Variants in TNPO1 observed in about 807,000 individuals in gnomAD.
The protein encoded by TNPO1 is transportin 1.
A neutral mutation model predicts 119.5 loss-of-function variants in TNPO1; 8 were observed. That is an observed-to-expected ratio of 0.07 (90% confidence interval 0.04 to 0.12). The LOEUF is 0.12. TNPO1 is among the 10% of genes least tolerant of loss of function. The probability of loss-of-function intolerance (pLI) is 1.00; values close to 1 mark genes in which losing one functional copy is unlikely to be tolerated. For missense variants in TNPO1, 576 were observed against 1,089.8 expected (o/e 0.53, Z 6.64); for synonymous variants, 362 against 363.0 (o/e 1.00, Z 0.03).
rs910933963 is a variant in TNPO1 at position 72,913,768 on chromosome 5, T to G, written c.*5095T>G. The G allele has an allele frequency of 6.6e-6, 1 of 152,582 alleles. No individual in the cohort carries two copies. Among genetic ancestry groups the G allele is most frequent in the Admixed American group, 6.5e-5 (1 of 15,268 alleles). 9.5% of individuals were successfully genotyped at this position (152,582 alleles called of 1,614,324 possible). On this transcript the variant is annotated 3_prime_UTR_variant, in exon 25 of 25. Transcript: ENST00000337273. ...CTCATAAAGGGGTTCCACTGTACTTTCCGCATATTACTGTGTTGTTGTTTT... is the reference window on the plus strand; with the variant it reads ...CTCATAAAGGGGTTCCACTGTACTTGCCGCATATTACTGTGTTGTTGTTTT...
intron 6 of TNPO1, among the ~76,000 whole-genome samples, chr5:72,870,442 G>A (rs983868628): frequency 3.3e-5 from 5 of 152,126 alleles, no homozygotes; most frequent in African/African-American, 4.8e-5. Context: ...GATTACAGGC[G>A]TGAGCCACCG....
At chr5:72,890,434 A>T (rs1032404133) in intron 14 of TNPO1, among the ~76,000 whole-genome samples, 2 of 152,192 alleles carry the variant, frequency 1.3e-5, no homozygotes, top group Admixed American at 1.3e-4. Context: ...TGTTTCCAGT[A>T]GTGTTAGTAG....
chr5:72,890,179 A>G (rs975455995), intron 14 of TNPO1, among the ~76,000 whole-genome samples: 1 of 152,240 alleles, frequency 6.6e-6, no homozygotes, highest in Non-Finnish European at 1.5e-5. Flanking sequence ...AGCATTTCAC[A>G]TGAATGCTCT....
chr5:72,846,285 CA>C (rs1745124475), intron 1 of TNPO1, among the ~76,000 whole-genome samples: 2 of 152,096 alleles, frequency 1.3e-5, no homozygotes, highest in Non-Finnish European at 2.9e-5. Flanking sequence ...GATGGTTGAA[CA>C]AATTATGCTC....
At chr5:72,889,997 A>T in intron 14 of TNPO1, 40 bp downstream of exon 14, 1 of 1,589,500 alleles carries the variant, frequency 6.3e-7, no homozygotes, top group Non-Finnish European at 8.6e-7. Context: ...AATAATGTGT[A>T]GCATAGTTAC....
At chr5:72,845,974 T>C (rs943129059) in intron 1 of TNPO1, among the ~76,000 whole-genome samples, 39 of 152,322 alleles carry the variant, frequency 2.6e-4, no homozygotes, top group African/African-American at 9.1e-4. Flanking sequence ...GCTCAGACTT[T>C]AAGTTCCCCA....
chr5:72,895,681 A>G (rs927496840), intron 18 of TNPO1, among the ~76,000 whole-genome samples: 65 of 152,354 alleles, frequency 4.3e-4, no homozygotes, highest in African/African-American at 1.5e-3. Context: ...TTTAATAATG[A>G]AGATACTTAT....
intron 1 of TNPO1, among the ~76,000 whole-genome samples, chr5:72,830,535 C>G (rs174749): frequency 1.3e-5 from 2 of 152,142 alleles, no homozygotes; most frequent in East Asian, 3.8e-4. Flanking sequence ...TTGGTAGTTT[C>G]CAGCTGTGAG....
intron 6 of TNPO1, among the ~76,000 whole-genome samples, chr5:72,870,979 GT>G (rs199841138): frequency 6.6e-6 from 1 of 151,778 alleles, no homozygotes; most frequent in Non-Finnish European, 1.5e-5. Context: ...GACAGAGTTG[GT>G]TTTTTTTGAG....
intron 1 of TNPO1, among the ~76,000 whole-genome samples, chr5:72,817,528 AGAGTTT>A (rs1743754259): frequency 6.6e-6 from 1 of 152,246 alleles, no homozygotes; most frequent in Admixed American, 6.5e-5. Flanking sequence ...AGGATTGCTT[AGAGTTT>A]AAGTCTGTTA....
intron 12 of TNPO1, among the ~76,000 whole-genome samples, chr5:72,887,463 G>T (rs1291182098): frequency 6.6e-6 from 1 of 152,218 alleles, no homozygotes. Context: ...GCTTAGGCGG[G>T]TGGATTACCT....
intron 4 of TNPO1, 75 bp from the exon 5 acceptor site, chr5:72,861,733 T>C: frequency 9.8e-7 from 1 of 1,018,398 alleles, no homozygotes; most frequent in Non-Finnish European, 1.5e-6. Context: ...AATGTGTTTG[T>C]GCACACAGTT....
chr5:72,888,953 A>G (rs1324757610), intron 13 of TNPO1, among the ~76,000 whole-genome samples: 1 of 152,196 alleles, frequency 6.6e-6, no homozygotes. Flanking sequence ...ATATTTTAAA[A>G]GGGCCTTCTG....
At chr5:72,870,441 C>T (rs1421081857) in intron 6 of TNPO1, among the ~76,000 whole-genome samples, 2 of 152,122 alleles carry the variant, frequency 1.3e-5, no homozygotes, top group Admixed American at 6.6e-5. Context: ...GGATTACAGG[C>T]GTGAGCCACC....
At chr5:72,883,734 T>G (rs1031273701) in intron 11 of TNPO1, among the ~76,000 whole-genome samples, 2 of 151,798 alleles carry the variant, frequency 1.3e-5, no homozygotes, top group African/African-American at 4.8e-5. Context: ...AGACTTTTTT[T>G]GTTTGTTTGT....
chr5:72,873,667 A>G (rs1747565943), intron 7 of TNPO1, among the ~76,000 whole-genome samples: 1 of 152,154 alleles, frequency 6.6e-6, no homozygotes, highest in Non-Finnish European at 1.5e-5. Context: ...TAGAGGTAGT[A>G]TAATGTAGTG....
chr5:72,875,898 T>A (rs1747727690), intron 8 of TNPO1, among the ~76,000 whole-genome samples, 161 bp downstream of exon 8: 1 of 152,156 alleles, frequency 6.6e-6, no homozygotes, highest in Non-Finnish European at 1.5e-5. Context: ...CTGGGTATAG[T>A]TGTACATACT....
chr5:72,862,981 C>T (rs1291157493), intron 5 of TNPO1, among the ~76,000 whole-genome samples: 1 of 131,236 alleles, frequency 7.6e-6, no homozygotes, highest in Non-Finnish European at 1.6e-5. Flanking sequence ...TTAACTCTGA[C>T]CTGTGGGTTT....
At chr5:72,875,880 T>A in intron 8 of TNPO1, 143 bp downstream of exon 8, 1 of 1,070,052 alleles carries the variant, frequency 9.3e-7, no homozygotes, top group South Asian at 1.9e-5. Flanking sequence ...GTGGGGAGTT[T>A]TGTATTTCTG....
Sources: allele counts gnomAD v4.1 joint callset (sites outside exome capture counted in the v4.1 genomes callset), GRCh38; gene constraint gnomAD v4.1.1; transcripts MANE v1.5; gene names NCBI Gene and HGNC (gene_info 2026-07-23, HGNC 2026-07-21).